Variants in MGMT observed in about 807,000 individuals in gnomAD.
MGMT encodes the protein methylated-DNA--protein-cysteine methyltransferase.
A neutral mutation model predicts 15.9 loss-of-function variants in MGMT; 14 were observed. That is an observed-to-expected ratio of 0.88 (90% CI 0.58 to 1.37). The LOEUF is 1.37. MGMT is among the 40% of genes most tolerant of loss of function. MGMT has a pLI of 0.00. For missense variants in MGMT, 282 were observed against 268.1 expected, an observed-to-expected ratio of 1.05 and a Z score of -0.36; for synonymous variants, 130 against 118.2, an observed-to-expected ratio of 1.10 and a Z score of -0.65.
intron 2 of MGMT, among the ~76,000 whole-genome samples, chr10:129,592,170 G>C (rs370158345): frequency 2.6e-5 from 4 of 152,192 alleles, no homozygotes; most frequent in African/African-American, 9.7e-5. Flanking sequence ...ACCATTGAAA[G>C]TATCACTGAC....
At chr10:129,521,729 G>C (rs12241643) in intron 1 of MGMT, among the ~76,000 whole-genome samples, 37,814 of 152,134 alleles carry the variant, frequency 0.25, 5,653 homozygotes, top group African/African-American at 0.42. Flanking sequence ...GTCGGCTCAA[G>C]AAGTGTGTGC....
intron 2 of MGMT, 34 bp downstream of exon 2, chr10:129,536,411 A>C: frequency 6.3e-7 from 1 of 1,595,068 alleles, no homozygotes; most frequent in Non-Finnish European, 8.5e-7. Flanking sequence ...TGTATACCGC[A>C]CATGCTGAAG....
intron 2 of MGMT, among the ~76,000 whole-genome samples, chr10:129,587,125 G>T (rs1846627207): frequency 6.6e-6 from 1 of 151,956 alleles, no homozygotes; most frequent in Non-Finnish European, 1.5e-5. Flanking sequence ...CATGTATGTG[G>T]AGCATTTTCC....
chr10:129,481,951 GT>G lies in MGMT; in HGVS notation c.-13+14658del, dbSNP rs199994869. Among the ~76,000 whole-genome samples, 1,120 of 152,186 alleles carry G rather than the reference GT, an allele frequency of 7.4e-3. 24 individuals are homozygous for G. The highest frequency in any genetic ancestry group is 0.026 in the African/African-American group (1,072 of 41,544). On this transcript the variant is annotated intron_variant, in intron 1 of 4. Coordinates refer to ENST00000651593, the MANE Select transcript of MGMT (RefSeq NM_002412.5). ...TATTGCTTTCTTGTGCTTACTTTCA[GT>G]TTAGTTTGCTTTCTTTTTTGTAGTT...
intron 2 of MGMT, among the ~76,000 whole-genome samples, chr10:129,646,746 A>ATTTTTTT (rs1280365444): frequency 1.6e-4 from 11 of 69,136 alleles, no homozygotes; most frequent in Non-Finnish European, 2.2e-4. Flanking sequence ...ATATATATAT[A>ATTTTTTT]TATATATATT....
chr10:129,697,397 C>G (rs556480924), intron 2 of MGMT, among the ~76,000 whole-genome samples: 7 of 152,306 alleles, frequency 4.6e-5, no homozygotes, highest in African/African-American at 1.7e-4. Flanking sequence ...GGAGATGCCC[C>G]AGACTAAGGT....
chr10:129,561,225 T>G (rs1025920115), intron 2 of MGMT, among the ~76,000 whole-genome samples: 10 of 152,166 alleles, frequency 6.6e-5, no homozygotes, highest in African/African-American at 2.4e-4. Context: ...CTACTTTCTA[T>G]ACAAGAGAGA....
At chr10:129,631,159 T>G (rs1025618929) in intron 2 of MGMT, among the ~76,000 whole-genome samples, 2 of 152,230 alleles carry the variant, frequency 1.3e-5, no homozygotes, top group African/African-American at 2.4e-5. Context: ...GCTTTTTTTT[T>G]TTGTTATTTT....
chr10:129,706,646 G>A (rs1387354162), intron 2 of MGMT, among the ~76,000 whole-genome samples: 1 of 152,172 alleles, frequency 6.6e-6, no homozygotes, highest in Admixed American at 6.5e-5. Context: ...AAGGAAGGGA[G>A]TCACCTGAAG....
chr10:129,747,349 T>C (rs1424144553), intron 3 of MGMT, among the ~76,000 whole-genome samples: 3 of 152,212 alleles, frequency 2.0e-5, no homozygotes, highest in Non-Finnish European at 2.9e-5. Context: ...AGTTGTCAGA[T>C]TGAGGATGTT....
At chr10:129,516,740 C>G (rs1845742546) in intron 1 of MGMT, among the ~76,000 whole-genome samples, 1 of 152,138 alleles carries the variant, frequency 6.6e-6, no homozygotes, top group African/African-American at 2.4e-5. Flanking sequence ...GATTCAGGCC[C>G]AGTATTTCTT....
chr10:129,766,985 T>C lies in MGMT; in HGVS notation c.612T>C (p.Ala204=), dbSNP rs1369289920. 3.1e-6 allele frequency: 5 copies of C among 1,600,518 alleles called. No individual in the cohort carries two copies. Among genetic ancestry groups the C allele is most frequent in the Non-Finnish European group, 4.3e-6 (5 of 1,173,564 alleles). The change falls in exon 5 of 5, where the codon GCT becomes GCC. Residue 204 remains alanine, a synonymous_variant. Transcript: ENST00000651593. ...GAGATSGSPP[A]GRN Reference sequence around the variant, plus strand: ...GAGCTACCTCGGGCTCCCCGCCTGCTGGCCGAAACTGAGTATGTGCAGTAG... The same window carrying C: ...GAGCTACCTCGGGCTCCCCGCCTGCCGGCCGAAACTGAGTATGTGCAGTAG...
intron 2 of MGMT, among the ~76,000 whole-genome samples, chr10:129,577,558 T>C (rs1021709617): frequency 2.4e-4 from 37 of 152,260 alleles, no homozygotes; most frequent in Non-Finnish European, 4.6e-4. Flanking sequence ...AAGACTTAAA[T>C]GTTAGACCTA....
intron 1 of MGMT, among the ~76,000 whole-genome samples, chr10:129,472,704 C>G (rs1168680023): frequency 6.6e-6 from 1 of 152,214 alleles, no homozygotes; most frequent in Admixed American, 6.5e-5. Context: ...AGAAGGAGGC[C>G]TGGCGCTGGG....
intron 1 of MGMT, among the ~76,000 whole-genome samples, chr10:129,518,791 G>A (rs1032707616): frequency 1.3e-5 from 2 of 151,250 alleles, no homozygotes; most frequent in Non-Finnish European, 2.9e-5. Flanking sequence ...TCAACAGTAG[G>A]GTATTAGCAG....
intron 2 of MGMT, among the ~76,000 whole-genome samples, chr10:129,569,243 CG>C (rs760928796): frequency 6.6e-6 from 1 of 151,824 alleles, no homozygotes; most frequent in Non-Finnish European, 1.5e-5. Context: ...GGCCCGGCTC[CG>C]GCGCACAGAT....
intron 1 of MGMT, among the ~76,000 whole-genome samples, chr10:129,485,502 C>T: frequency 6.6e-6 from 1 of 152,152 alleles, no homozygotes; most frequent in East Asian, 1.9e-4. Context: ...GTTGAGCACC[C>T]CTAATTCAAA....
At chr10:129,531,124 C>T (rs1845926590) in intron 1 of MGMT, among the ~76,000 whole-genome samples, 1 of 152,080 alleles carries the variant, frequency 6.6e-6, no homozygotes, top group Admixed American at 6.5e-5. Flanking sequence ...GGCTGTGGGT[C>T]TGGCCTCCCC....
At chr10:129,559,569 T>C (rs375536150) in intron 2 of MGMT, among the ~76,000 whole-genome samples, 3 of 152,218 alleles carry the variant, frequency 2.0e-5, no homozygotes, top group South Asian at 4.2e-4. Flanking sequence ...TTTCTTACCA[T>C]GTACTCCCGC....
Sources: gnomAD v4.1 joint callset for allele counts (sites outside exome capture counted in the v4.1 genomes callset) on GRCh38, gnomAD v4.1.1 for gene constraint, MANE v1.5 for transcripts, NCBI Gene and HGNC (gene_info 2026-07-23, HGNC 2026-07-21) for gene names.